Variants in EML6 observed in about 807,000 individuals in gnomAD.
The protein encoded by EML6 is echinoderm microtubule-associated protein-like 6.
EML6 carries 154 observed loss-of-function variants against 240.1 expected under a neutral mutation model. That is an observed-to-expected ratio of 0.64 (90% confidence interval 0.56 to 0.73). The LOEUF is 0.73. Among genes scored for constraint, EML6 ranks in the 30% least tolerant of loss-of-function variants. EML6 has a pLI of 0.00. For missense variants in EML6, 2,964 were observed against 2,474.6 expected (o/e 1.20, Z -4.20); for synonymous variants, 1,148 against 899.0 (o/e 1.28, Z -4.95).
At chr2:54,897,043 T>G (rs966834929) in intron 21 of EML6, among the ~76,000 whole-genome samples, 1 of 152,168 alleles carries the variant, frequency 6.6e-6, no homozygotes, top group Non-Finnish European at 1.5e-5. Context: ...AACTAAATCT[T>G]TTTTTTTCTG....
chr2:54,900,291 A>T (rs116394979), intron 22 of EML6, among the ~76,000 whole-genome samples: 1,820 of 152,344 alleles, frequency 0.012, 43 homozygotes, highest in African/African-American at 0.042. Flanking sequence ...TGGCAGGCAC[A>T]GGGGATCCCA....
intron 2 of EML6, among the ~76,000 whole-genome samples, chr2:54,779,725 G>C (rs1005865050): frequency 1.3e-5 from 2 of 151,558 alleles, no homozygotes; most frequent in African/African-American, 2.4e-5. Context: ...AGCGGGGTAT[G>C]GTGGTGTGTG....
At chr2:54,843,939 G>T in intron 7 of EML6, 108 bp from the exon 8 acceptor site, 1 of 841,816 alleles carries the variant, frequency 1.2e-6, no homozygotes, top group African/African-American at 1.7e-5. Context: ...TGGTATCCTG[G>T]TTAAAGGGCA....
Position 54,960,343 on chromosome 2 carries a change from A to G in EML6, c.4968+9A>G, listed in dbSNP as rs1382074513. The G allele has an allele frequency of 6.5e-7, 1 of 1,544,776 alleles. No individual in the cohort carries two copies. Among genetic ancestry groups the G allele is most frequent in the Non-Finnish European group, 8.7e-7 (1 of 1,143,162 alleles). ...CCGTGTGCCGTGGAAAAGTGAGCAC[A>G]GCCAGCTCCCCTGGGGGCTGGGCCA... On this transcript the variant is annotated intron_variant, in intron 35 of 41. Transcript: ENST00000356458.
At chr2:54,967,281 A>G in intron 39 of EML6, 178 bp downstream of exon 39, 1 of 479,686 alleles carries the variant, frequency 2.1e-6, no homozygotes, top group Non-Finnish European at 3.8e-6. Flanking sequence ...ACTGGCTTTG[A>G]TCTGACCTAG....
chr2:54,816,371 C>T (rs1668083254), intron 3 of EML6, among the ~76,000 whole-genome samples: 1 of 152,102 alleles, frequency 6.6e-6, no homozygotes, highest in South Asian at 2.1e-4. Flanking sequence ...ATTCGTCAAA[C>T]CCTTAAATTT....
chr2:54,769,568 A>AG (rs76482510), intron 2 of EML6, among the ~76,000 whole-genome samples: 57,890 of 151,886 alleles, frequency 0.38, 12,842 homozygotes, highest in African/African-American at 0.61. Flanking sequence ...AAAATTTTAT[A>AG]TACTTTATTG....
chr2:54,905,829 T>C (rs1374862974), intron 24 of EML6, among the ~76,000 whole-genome samples: 1 of 152,220 alleles, frequency 6.6e-6, no homozygotes, highest in Non-Finnish European at 1.5e-5. Context: ...CATAATGTTC[T>C]CAAGATTCCT....
chr2:54,862,516 G>A (rs1466175349), intron 12 of EML6, among the ~76,000 whole-genome samples: 2 of 151,862 alleles, frequency 1.3e-5, no homozygotes, highest in African/African-American at 4.8e-5. Context: ...AAAGAGTAAA[G>A]ATAGCTTAGA....
chr2:54,791,277 T>C (rs1236580207), intron 2 of EML6, among the ~76,000 whole-genome samples: 3 of 152,206 alleles, frequency 2.0e-5, no homozygotes, highest in Non-Finnish European at 4.4e-5. Context: ...CCTGCCGGTA[T>C]GCTCACGCAA....
chr2:54,740,281 A>G (rs1166888850), intron 2 of EML6, among the ~76,000 whole-genome samples: 3 of 152,114 alleles, frequency 2.0e-5, no homozygotes, highest in Non-Finnish European at 4.4e-5. Flanking sequence ...CTTTTTAGAA[A>G]CCAGCAGATA....
intron 28 of EML6, among the ~76,000 whole-genome samples, chr2:54,939,534 A>G (rs910547095): frequency 5.3e-5 from 8 of 152,166 alleles, no homozygotes; most frequent in African/African-American, 1.9e-4. Flanking sequence ...GCCCCTTGTG[A>G]TATGCACCCA....
chr2:54,924,881 C>G (rs1237642187), intron 26 of EML6, among the ~76,000 whole-genome samples: 1 of 152,058 alleles, frequency 6.6e-6, no homozygotes, highest in East Asian at 1.9e-4. Flanking sequence ...TTTTTTCAAC[C>G]TGATTTTTCT....
intron 2 of EML6, among the ~76,000 whole-genome samples, chr2:54,799,621 G>C (rs1369269207): frequency 1.3e-5 from 2 of 152,216 alleles, no homozygotes; most frequent in African/African-American, 2.4e-5. Context: ...GGGATTAAGG[G>C]CGTGAACCAT....
At position 54,864,825 on chromosome 2, in the gene EML6, A is replaced by G. The variant is rs528814494; in HGVS notation, c.1932+936A>G. 8.5e-5 allele frequency among the ~76,000 whole-genome samples: 13 copies of G among 152,338 alleles called. No individual in the cohort carries two copies. In the South Asian group the frequency reaches 2.7e-3, roughly 32 times the overall value. On this transcript the variant is annotated intron_variant, in intron 13 of 41. Transcript: ENST00000356458. Reference sequence around the variant, plus strand: ...TTGGTTTGCCTCTATATAAGCATTAAATTGGAATATTTTTCAGCCCATAAT... The same window carrying G: ...TTGGTTTGCCTCTATATAAGCATTAGATTGGAATATTTTTCAGCCCATAAT...
At chr2:54,864,696 T>C (rs1017629763) in intron 13 of EML6, among the ~76,000 whole-genome samples, 10 of 152,186 alleles carry the variant, frequency 6.6e-5, no homozygotes, top group African/African-American at 2.2e-4. Context: ...AGCTACCATG[T>C]GTTGAAAGAA....
At chr2:54,948,062 G>C (rs1170243371) in intron 28 of EML6, among the ~76,000 whole-genome samples, 1 of 152,132 alleles carries the variant, frequency 6.6e-6, no homozygotes, top group African/African-American at 2.4e-5. Flanking sequence ...AATTACTTTG[G>C]AACATGCGGT....
At chr2:54,910,116 A>G (rs1573123180) in intron 24 of EML6, among the ~76,000 whole-genome samples, 1 of 152,330 alleles carries the variant, frequency 6.6e-6, no homozygotes, top group South Asian at 2.1e-4. Context: ...GTGGAGGTTC[A>G]TGAAACAGGG....
intron 2 of EML6, among the ~76,000 whole-genome samples, chr2:54,799,595 G>A (rs1268939969): frequency 6.6e-6 from 1 of 151,964 alleles, no homozygotes; most frequent in East Asian, 1.9e-4. Context: ...CACCCGCCTT[G>A]GCCTCCCAAA....
Sources: allele counts gnomAD v4.1 joint callset (sites outside exome capture counted in the v4.1 genomes callset), GRCh38; gene constraint gnomAD v4.1.1; transcripts MANE v1.5; gene names NCBI Gene and HGNC (gene_info 2026-07-23, HGNC 2026-07-21).